SCGN: variants seen among roughly 807,000 people sequenced by gnomAD.
SCGN encodes secretagogin, EF-hand calcium binding protein.
In SCGN, 30 loss-of-function variants were observed where a neutral mutation model predicts 39.7. The ratio of observed to expected loss-of-function variants is 0.76; its 90% CI spans 0.57 to 1.03. The LOEUF is 1.03. SCGN is among the 50% of genes least tolerant of loss of function. The pLI is 0.00. For missense variants in SCGN, 353 were observed against 349.4 expected (o/e 1.01, Z -0.08); for synonymous variants, 106 against 114.1 (o/e 0.93, Z 0.45).
intron 6 of SCGN, among the ~76,000 whole-genome samples, chr6:25,674,288 GAC>G (rs1197946873): frequency 6.6e-6 from 1 of 152,154 alleles, no homozygotes; most frequent in Non-Finnish European, 1.5e-5. Context: ...TTGATCAGAA[GAC>G]AAAATGAGTT....
intron 7 of SCGN, among the ~76,000 whole-genome samples, chr6:25,683,674 G>A (rs1004860114): frequency 7.7e-4 from 118 of 152,322 alleles, no homozygotes; most frequent in African/African-American, 2.6e-3. Flanking sequence ...TAGTGAAGTG[G>A]TCAGATGCTT....
At chr6:25,657,514 GC>G (rs1760248454) in intron 2 of SCGN, among the ~76,000 whole-genome samples, 1 of 152,028 alleles carries the variant, frequency 6.6e-6, no homozygotes, top group Non-Finnish European at 1.5e-5. Flanking sequence ...ATGTTCTTAT[GC>G]TGACGCAATA....
rs148901182 is a variant in SCGN, at chr6:25,680,573, C to T, written c.472-1378C>T. ...TTGCACAGCAATGGAGTTAGGCCCACGTCTTTCAAGGTGAGTTGTTACTTG... is the reference window on the plus strand; with the variant it reads ...TTGCACAGCAATGGAGTTAGGCCCATGTCTTTCAAGGTGAGTTGTTACTTG... On this transcript the variant is annotated intron_variant, in intron 6 of 10. Transcript: ENST00000377961. Among the ~76,000 whole-genome samples, 786 of 152,284 alleles carry T rather than the reference C, an allele frequency of 5.2e-3. 6 individuals carry two copies. The highest frequency in any genetic ancestry group is 0.017 in the African/African-American group (720 of 41,556).
At chr6:25,655,122 A>G (rs1760204979) in intron 2 of SCGN, among the ~76,000 whole-genome samples, 1 of 152,236 alleles carries the variant, frequency 6.6e-6, no homozygotes, top group Non-Finnish European at 1.5e-5. Flanking sequence ...TCTATCATGG[A>G]CATGGGTATT....
chr6:25,661,228 T>C (rs1245486263), intron 2 of SCGN, among the ~76,000 whole-genome samples: 1 of 152,226 alleles, frequency 6.6e-6, no homozygotes, highest in Non-Finnish European at 1.5e-5. Context: ...TACAATACAG[T>C]CTTTTGTCAC....
chr6:25,696,627 G>A (rs542099727), intron 10 of SCGN, among the ~76,000 whole-genome samples: 62 of 152,264 alleles, frequency 4.1e-4, no homozygotes, highest in African/African-American at 1.4e-3. Context: ...AGTGGTTTGT[G>A]TGCTTTAAAA....
At chr6:25,661,492 T>A in intron 2 of SCGN, 60 bp from the exon 3 acceptor site, 3 of 1,135,230 alleles carry the variant, frequency 2.6e-6, no homozygotes, top group Non-Finnish European at 4.0e-6. Context: ...ATATTTGCCA[T>A]CCTAACTATA....
At chr6:25,685,440 A>C (rs757968766) in intron 7 of SCGN, among the ~76,000 whole-genome samples, 3 of 152,150 alleles carry the variant, frequency 2.0e-5, no homozygotes, top group Non-Finnish European at 4.4e-5. Flanking sequence ...GTGCCTGCAA[A>C]TACTAAGAAC....
At chr6:25,699,811 G>C (rs1037466037) in intron 10 of SCGN, among the ~76,000 whole-genome samples, 2 of 152,078 alleles carry the variant, frequency 1.3e-5, no homozygotes, top group East Asian at 3.9e-4. Flanking sequence ...GCTGAGTCCT[G>C]ATTGGTTAAT....
At chr6:25,698,736 C>G (rs1282579988) in intron 10 of SCGN, among the ~76,000 whole-genome samples, 1 of 152,174 alleles carries the variant, frequency 6.6e-6, no homozygotes, top group African/African-American at 2.4e-5. Flanking sequence ...AGAGTCTAAT[C>G]ATTCAGGCCA....
At chr6:25,661,691 T>C (rs1324765998) in intron 3 of SCGN, 47 bp downstream of exon 3, 1 of 1,254,696 alleles carries the variant, frequency 8.0e-7, no homozygotes, top group Non-Finnish European at 1.2e-6. Flanking sequence ...TTCTTGACTG[T>C]TTTTTTCTTT....
chr6:25,687,808 T>C (rs1759723974), intron 7 of SCGN, among the ~76,000 whole-genome samples: 1 of 152,166 alleles, frequency 6.6e-6, no homozygotes, highest in Non-Finnish European at 1.5e-5. Context: ...TCAACAGACA[T>C]TTTCCAGTGT....
intron 10 of SCGN, among the ~76,000 whole-genome samples, chr6:25,700,159 C>T (rs904610039): frequency 1.4e-5 from 2 of 146,232 alleles, no homozygotes; most frequent in Admixed American, 7.1e-5. Context: ...ATGGGAGAAT[C>T]GCTTGAACCC....
chr6:25,678,816 A>G (rs6900762), intron 6 of SCGN: 124,933 of 153,368 alleles, frequency 0.81, 51,118 homozygotes, highest in African/African-American at 0.88. Context: ...TGCCTTGCTC[A>G]CTAGGTCCTT....
At position 25,678,799 on chromosome 6, in the gene SCGN, C is replaced by T. The variant is rs116362639; in HGVS notation, c.472-3152C>T. ...ATGCACTGTTGCTGCTATTGTGTCT[C>T]AGTGGTTGCCTTGCTCACTAGGTCC... On this transcript the variant is annotated intron_variant, in intron 6 of 10. Transcript: ENST00000377961. 3.1e-3 allele frequency: 478 copies of T among 153,396 alleles called. 1 individual carries two copies. The highest frequency in any genetic ancestry group is 0.011 in the African/African-American group (446 of 41,444). The allele number at this position is 153,396 out of a possible 1,614,324, so 9.5% of individuals were successfully genotyped here.
At chr6:25,678,768 G>C (rs1007125204) in intron 6 of SCGN, 1 of 152,424 alleles carries the variant, frequency 6.6e-6, no homozygotes, top group Non-Finnish European at 1.5e-5. Context: ...GGCCCAGGCT[G>C]GCTACATGCA....
At chr6:25,669,656 A>G in intron 5 of SCGN, 89 bp downstream of exon 5, 1 of 1,088,412 alleles carries the variant, frequency 9.2e-7, no homozygotes, top group Non-Finnish European at 1.4e-6. Context: ...GGGCCCAAGA[A>G]AGATGTATTT....
intron 9 of SCGN, among the ~76,000 whole-genome samples, chr6:25,690,295 A>G (rs1258238668): frequency 6.6e-6 from 1 of 152,202 alleles, no homozygotes; most frequent in Non-Finnish European, 1.5e-5. Context: ...GGTGATAAGG[A>G]TAATAATATC....
intron 10 of SCGN, among the ~76,000 whole-genome samples, chr6:25,694,590 T>C (rs1759815594): frequency 1.3e-5 from 2 of 152,334 alleles, no homozygotes; most frequent in South Asian, 4.1e-4. Flanking sequence ...CAAGTCAGAC[T>C]GTGGTCAGTA....
Sources: allele counts gnomAD v4.1 joint callset (sites outside exome capture counted in the v4.1 genomes callset), GRCh38; gene constraint gnomAD v4.1.1; transcripts MANE v1.5; gene names NCBI Gene and HGNC (gene_info 2026-07-23, HGNC 2026-07-21).